Variants in WWTR1 observed in about 807,000 individuals in gnomAD.
WWTR1 encodes WW domain-containing transcription regulator protein 1.
In WWTR1, 13 loss-of-function variants were observed where a neutral mutation model predicts 40.1. The observed-to-expected ratio is 0.32, with a 90% CI of 0.21 to 0.52. The LOEUF (loss-of-function observed/expected upper bound fraction) is 0.52. Among genes scored for constraint, WWTR1 ranks in the 20% least tolerant of loss-of-function variants. The pLI, the probability that WWTR1 is intolerant of heterozygous loss-of-function variation, is 0.97. For missense variants in WWTR1, 436 were observed against 523.1 expected, an observed-to-expected ratio of 0.83 and a Z score of 1.63; for synonymous variants, 230 against 210.1, an observed-to-expected ratio of 1.09 and a Z score of -0.82.
intron 2 of WWTR1, among the ~76,000 whole-genome samples, chr3:149,577,348 C>T (rs970155001): frequency 6.6e-6 from 1 of 151,796 alleles, no homozygotes; most frequent in African/African-American, 2.4e-5. Context: ...TTTTTTTCCT[C>T]GACTTAAAAA....
chr3:149,543,597 A>AAAAAAAAAAAAAAG (rs1736234823), intron 3 of WWTR1, among the ~76,000 whole-genome samples: 1 of 146,542 alleles, frequency 6.8e-6, no homozygotes, highest in Non-Finnish European at 1.5e-5. Flanking sequence ...AAAAAAAAAA[A>AAAAAAAAAAAAAAG]AAAAAAGAAC....
intron 2 of WWTR1, among the ~76,000 whole-genome samples, chr3:149,615,559 A>C (rs1278595727): frequency 1.3e-5 from 2 of 152,188 alleles, no homozygotes; most frequent in African/African-American, 2.4e-5. Flanking sequence ...ATCATTGTGA[A>C]TATATATTGC....
chr3:149,700,889 A>C (rs1316106925), intron 1 of WWTR1, among the ~76,000 whole-genome samples: 1 of 152,196 alleles, frequency 6.6e-6, no homozygotes. Context: ...CGTAGGTAAC[A>C]AGCCCAATAC....
At chr3:149,552,766 G>A (rs528102353) in intron 3 of WWTR1, among the ~76,000 whole-genome samples, 1 of 152,302 alleles carries the variant, frequency 6.6e-6, no homozygotes, top group South Asian at 2.1e-4. Flanking sequence ...TAGAGCAATG[G>A]TTCTCAAACT....
chr3:149,621,664 C>T (rs781394471), intron 2 of WWTR1, among the ~76,000 whole-genome samples: 2 of 152,176 alleles, frequency 1.3e-5, no homozygotes, highest in East Asian at 3.8e-4. Context: ...AACATTCACT[C>T]AGAAGACAGA....
intron 4 of WWTR1, among the ~76,000 whole-genome samples, chr3:149,537,642 G>A (rs1415000596): frequency 6.6e-6 from 1 of 152,000 alleles, no homozygotes; most frequent in Non-Finnish European, 1.5e-5. Context: ...TCTGAGTTTT[G>A]ACAAATGTAG....
intron 3 of WWTR1, among the ~76,000 whole-genome samples, chr3:149,568,538 A>C (rs867806241): frequency 6.4e-5 from 9 of 141,258 alleles, no homozygotes; most frequent in African/African-American, 7.8e-5. Flanking sequence ...AAAAAAAAAA[A>C]AAAAAAAAAA....
chr3:149,574,306 C>T (rs1377896856), intron 2 of WWTR1, among the ~76,000 whole-genome samples: 2 of 152,130 alleles, frequency 1.3e-5, no homozygotes, highest in African/African-American at 4.8e-5. Flanking sequence ...TCCCAAAGTG[C>T]TGGGATTACA....
intron 2 of WWTR1, among the ~76,000 whole-genome samples, chr3:149,597,468 A>G (rs909666574): frequency 2.9e-5 from 4 of 139,970 alleles, no homozygotes; most frequent in African/African-American, 9.1e-5. Flanking sequence ...AAGAAGAAGG[A>G]AAAAAAAAAG....
intron 3 of WWTR1, among the ~76,000 whole-genome samples, chr3:149,550,205 G>T (rs1477558444): frequency 6.6e-6 from 1 of 152,140 alleles, no homozygotes; most frequent in Non-Finnish European, 1.5e-5. Context: ...TGTACAAATG[G>T]ACACAATCTT....
rs756822564 is a variant in WWTR1, at chr3:149,520,943, G to T, written c.1065C>A (p.Thr355=). The stretch of plus-strand genomic sequence containing the variant: ...GACAGTCAAGGAAATCAGGGAAACG[G>T]GTCTGTTGGGGATTGATGTTCATGG... ...QTPMNINPQQ[T]RFPDFLDCLP... The change falls in exon 7 of 7, where the codon ACC becomes ACA. Residue 355 remains threonine, a synonymous_variant. Coordinates refer to ENST00000360632, the MANE Select transcript of WWTR1 (RefSeq NM_015472.6). 4.3e-6 allele frequency: 7 copies of T among 1,612,702 alleles called. No homozygotes were observed. In the Admixed American group the frequency reaches 1.2e-4, roughly 27 times the overall value.
chr3:149,520,112 T>C lies in WWTR1; in HGVS notation c.*693A>G, dbSNP rs1257411823. ...TCTGTAGTGTAAGACCTGTGACTAA[T>C]GCTGCTGCTGCTACTTTCCCGCTGG... On this transcript the variant is annotated 3_prime_UTR_variant, in exon 7 of 7. Coordinates refer to ENST00000360632, the MANE Select transcript of WWTR1 (RefSeq NM_015472.6). 1 of 152,236 alleles carries C rather than the reference T, an allele frequency of 6.6e-6. No homozygotes were observed. The highest frequency in any genetic ancestry group is 1.5e-5 in the Non-Finnish European group (1 of 68,038). The allele number at this position is 152,236 out of a possible 1,614,324, so 9.4% of individuals were successfully genotyped here. A position where few individuals can be genotyped will look rare whatever the true frequency, so the allele number is the denominator to read the frequency against.
upstream of WWTR1, among the ~76,000 whole-genome samples, chr3:149,705,196 C>T (rs1715301246): frequency 6.6e-6 from 1 of 151,810 alleles, no homozygotes. Flanking sequence ...ACAGGAGTTC[C>T]AGAAAGAAAG....
chr3:149,586,963 C>T (rs1403005072), intron 2 of WWTR1, among the ~76,000 whole-genome samples: 3 of 152,198 alleles, frequency 2.0e-5, no homozygotes, highest in African/African-American at 7.2e-5. Context: ...TGTATCTCTT[C>T]CACCTGGCTG....
chr3:149,547,994 T>C (rs1736443544), intron 3 of WWTR1, among the ~76,000 whole-genome samples: 1 of 144,206 alleles, frequency 6.9e-6, no homozygotes, highest in African/African-American at 2.6e-5. Flanking sequence ...GCATCTGAGA[T>C]ACAAACACAC....
intron 2 of WWTR1, among the ~76,000 whole-genome samples, chr3:149,647,848 A>C (rs991907866): frequency 1.3e-5 from 2 of 152,186 alleles, no homozygotes; most frequent in Non-Finnish European, 2.9e-5. Flanking sequence ...TCTCAAAACT[A>C]AGGAGTGAGA....
chr3:149,684,422 A>G (rs894370407), intron 1 of WWTR1, among the ~76,000 whole-genome samples: 3 of 152,202 alleles, frequency 2.0e-5, no homozygotes, highest in Admixed American at 6.5e-5. Context: ...CCATTTCAAG[A>G]TTCTAAAAAT....
chr3:149,606,124 C>T (rs1739472777), intron 2 of WWTR1, among the ~76,000 whole-genome samples: 1 of 152,166 alleles, frequency 6.6e-6, no homozygotes, highest in African/African-American at 2.4e-5. Context: ...CCTCATAAGA[C>T]ACCACATCTG....
chr3:149,697,439 A>T (rs1461121721), intron 1 of WWTR1, among the ~76,000 whole-genome samples: 3 of 152,210 alleles, frequency 2.0e-5, no homozygotes, highest in African/African-American at 7.2e-5. Context: ...AAAAAATTGA[A>T]AAGGACACAA....
Sources: allele counts gnomAD v4.1 joint callset (sites outside exome capture counted in the v4.1 genomes callset), GRCh38; gene constraint gnomAD v4.1.1; transcripts MANE v1.5; gene names NCBI Gene and HGNC (gene_info 2026-07-23, HGNC 2026-07-21).